Variants in AOC2 observed in about 807,000 individuals in gnomAD.
AOC2 encodes amine oxidase copper containing 2.
AOC2 carries 57 observed loss-of-function variants against 53.8 expected under a neutral mutation model. That is an observed-to-expected ratio of 1.06 (90% confidence interval 0.86 to 1.32). The LOEUF (loss-of-function observed/expected upper bound fraction) is 1.32, where lower values mean the gene tolerates loss of function less well. Ranked by LOEUF, AOC2 falls within the 40% of genes most tolerant of loss-of-function variation. The pLI, the probability that AOC2 is intolerant of heterozygous loss-of-function variation, is 0.00. For synonymous variants in AOC2, 404 were observed against 399.0 expected (o/e 1.01, Z -0.15); for missense variants, 1,008 against 957.2 (o/e 1.05, Z -0.70).
chr17:42,849,794 T>G, intron 3 of AOC2, 64 bp downstream of exon 3: 1 of 1,608,742 alleles, frequency 6.2e-7, no homozygotes, highest in Non-Finnish European at 8.5e-7. Context: ...CTGCCCAGCC[T>G]CTGGCCAAAG....
In AOC2 at chr17:42,844,644, C is replaced by T. The variant is rs765901269; in HGVS notation, c.18C>T (p.Val6=). ...CATCCACCATGCATCTCAAGATAGT[C>T]CTGGCGTTCCTGGCACTGTCCCTCA... The part of the protein sequence containing the change: MHLKI[V]LAFLALSLIT... Residue 6 remains valine (V), a synonymous_variant, in exon 1 of 4, where the codon GTC becomes GTT. Transcript: ENST00000253799. 3 of 1,612,480 alleles carry T rather than the reference C, an allele frequency of 1.9e-6. No individual in the cohort carries two copies. The South Asian group carries it at 3.3e-5, about 18-fold the overall frequency.
chr17:42,846,740 G>A, intron 1 of AOC2, among the ~76,000 whole-genome samples: 1 of 152,210 alleles, frequency 6.6e-6, no homozygotes, highest in Non-Finnish European at 1.5e-5. Flanking sequence ...CATCGGGAGG[G>A]CCATCCCATT....
Position 42,845,077 on chromosome 17 carries a change from G to A in AOC2, c.451G>A (p.Val151Met), listed in dbSNP as rs773728519. ...GCCTCACCCCTCGTACATGCGGGATGTGACTGTGGAGCGTCACGGCGGGCC... is the reference window on the plus strand; with the variant it reads ...GCCTCACCCCTCGTACATGCGGGATATGACTGTGGAGCGTCACGGCGGGCC... ...PLPHPSYMRD[V>M]TVERHGGPLP... Residue 151 changes from valine (V) to methionine (M), a missense_variant, in exon 1 of 4, where the codon GTG becomes ATG. Physicochemically the swap from Val to Met is conservative, Grantham distance 21 (BLOSUM62 1). Coordinates refer to ENST00000253799, the MANE Select transcript of AOC2 (RefSeq NM_009590.4). 13 of 1,614,016 alleles carry A rather than the reference G, an allele frequency of 8.1e-6. No individual in the cohort carries two copies. The highest frequency in any genetic ancestry group is 1.6e-4 in the Middle Eastern group (1 of 6,062).
In AOC2 at chr17:42,850,371, G is replaced by T. The variant is rs371391603; in HGVS notation, c.*23G>T. The T allele has an allele frequency of 1.1e-5, 17 of 1,565,978 alleles. No homozygotes were observed. The South Asian group carries it at 2.0e-4, about 18-fold the overall frequency. On this transcript the variant is annotated 3_prime_UTR_variant, in exon 4 of 4. Transcript: ENST00000253799. ...TAGTCCTGAGGGTGTGGCGGGCGGC[G>T]TGGTTAGGCACATGTACTTTTCCCT...
In AOC2 at chr17:42,845,827, C is replaced by G. The variant is rs75732241; in HGVS notation, c.1201C>G (p.Gln401Glu). Residue 401 changes from glutamine (Q) to glutamate (E), a missense_variant, in exon 1 of 4, where the codon CAA becomes GAA. Physicochemically the swap from Gln to Glu is conservative, Grantham distance 29. Transcript: ENST00000253799. ...GLVRGVDCPY[Q>E]ATMVDIHILV... ...GGTGCGGGGAGTGGACTGCCCCTAT[C>G]AAGCCACGATGGTGGACATCCATAT... The G allele has an allele frequency of 6.2e-7, 1 of 1,614,152 alleles. No homozygotes were observed.
At chr17:42,846,269 A>C in intron 1 of AOC2, 55 bp downstream of exon 1, 2 of 1,135,372 alleles carry the variant, frequency 1.8e-6, no homozygotes, top group Non-Finnish European at 2.4e-6. Flanking sequence ...GGTGGGGTGG[A>C]GGGAAGGGAA....
chr17:42,845,810 G>A lies in AOC2; in HGVS notation c.1184G>A (p.Gly395Glu). 2 of 1,614,194 alleles carry A rather than the reference G, an allele frequency of 1.2e-6. No individual in the cohort carries two copies. The highest frequency in any genetic ancestry group is 1.7e-6 in the Non-Finnish European group (2 of 1,180,040). Reference sequence around the variant, plus strand: ...CGTAACAGCCGAGGCTTGGTGCGGGGAGTGGACTGCCCCTATCAAGCCACG... The same window carrying A: ...CGTAACAGCCGAGGCTTGGTGCGGGAAGTGGACTGCCCCTATCAAGCCACG... ...LGRNSRGLVR[G>E]VDCPYQATMV... is the part of the protein sequence containing the mutation. The change falls in exon 1 of 4, where the codon GGA (glycine) becomes GAA (glutamate). Residue 395 changes from glycine to glutamate, a missense_variant. Transcript: ENST00000253799.
intron 1 of AOC2, 116 bp downstream of exon 1, chr17:42,846,330 C>G (rs2055599653): frequency 1.7e-6 from 2 of 1,172,868 alleles, no homozygotes; most frequent in African/African-American, 1.5e-5. Context: ...GCAGGGTGTT[C>G]CAACACCACA....
rs776192407 is a variant in AOC2, at chr17:42,844,742, C to T, written c.116C>T (p.Ser39Phe). Residue 39 changes from serine (S) to phenylalanine (F), a missense_variant, in exon 1 of 4, where the codon TCT becomes TTT. By Grantham distance (155) the Ser-to-Phe change is radical. Coordinates refer to ENST00000253799, the MANE Select transcript of AOC2 (RefSeq NM_009590.4). Reference sequence around the variant, plus strand: ...TCCAGCCAGCCTCCCCACTGCCCCTCTGTATCCCATAGGGCCCAGCCCTGG... The same window carrying T: ...TCCAGCCAGCCTCCCCACTGCCCCTTTGTATCCCATAGGGCCCAGCCCTGG... ...GGSSQPPHCP[S>F]VSHRAQPWPH... 6.2e-7 allele frequency: 1 copy of T among 1,614,262 alleles called. No homozygotes were observed. The highest frequency in any genetic ancestry group is 1.3e-5 in the African/African-American group (1 of 75,068).
rs149926743 is a variant in AOC2, at chr17:42,846,133, T to C, written c.1507T>C (p.Phe503Leu). The C allele has an allele frequency of 7.6e-6, 12 of 1,572,008 alleles. No individual in the cohort carries two copies. The highest frequency in any genetic ancestry group is 1.4e-5 in the African/African-American group (1 of 73,842). The change falls in exon 1 of 4, where the codon TTT becomes CTT. Residue 503 changes from phenylalanine (F) to leucine (L), a missense_variant. Phe to Leu is a conservative substitution (Grantham distance 22). Transcript: ENST00000253799. ...GAAAGGGGGAGAGGAGGGCCTCCTCTTTGGGAACCGTGTGGGGGAAAGAGT... is the reference window on the plus strand; with the variant it reads ...GAAAGGGGGAGAGGAGGGCCTCCTCCTTGGGAACCGTGTGGGGGAAAGAGT... ...FLKGGEEGLL[F>L]GNRVGERVLG...
intron 1 of AOC2, among the ~76,000 whole-genome samples, 185 bp from the exon 2 acceptor site, chr17:42,848,901 T>A (rs892970310): frequency 6.6e-6 from 1 of 152,054 alleles, no homozygotes; most frequent in African/African-American, 2.4e-5. Flanking sequence ...CCCTATCGGA[T>A]AGGGCAAGTT....
In AOC2 at chr17:42,844,900, ATCT is replaced by A; in HGVS notation, c.278_280del (p.Phe93del). ...CCAGGCTCAGCCCTCGGACAACTGC[ATCT>A]TCTCAGTGGAGCTGCAGCTGCCCCC... On this transcript the variant is annotated inframe_deletion, in exon 1 of 4. Transcript: ENST00000253799. 1 of 1,612,874 alleles carries A rather than the reference ATCT, an allele frequency of 6.2e-7. No homozygotes were observed. The highest frequency in any genetic ancestry group is 8.5e-7 in the Non-Finnish European group (1 of 1,179,352).
intron 3 of AOC2, 56 bp from the exon 4 acceptor site, chr17:42,850,026 G>A (rs1389886183): frequency 3.8e-6 from 6 of 1,578,800 alleles, no homozygotes; most frequent in East Asian, 2.2e-5. Context: ...TGTGACTGAA[G>A]GGTGGTTCTT....
chr17:42,849,420 GC>G, intron 2 of AOC2, 49 bp downstream of exon 2: 2 of 1,592,422 alleles, frequency 1.3e-6, no homozygotes. Flanking sequence ...CCCCTCCCCT[GC>G]CCCAGTCCTT....
intron 1 of AOC2, among the ~76,000 whole-genome samples, chr17:42,847,127 G>A (rs1330419719): frequency 2.6e-5 from 4 of 152,232 alleles, no homozygotes; most frequent in South Asian, 2.1e-4. Flanking sequence ...TGGTGTGGAG[G>A]GTAGGAAGGA....
chr17:42,850,062 G>A lies in AOC2; in HGVS notation c.2005-20G>A. 6.2e-7 allele frequency: 1 copy of A among 1,609,934 alleles called. No individual in the cohort carries two copies. The highest frequency in any genetic ancestry group is 1.1e-5 in the South Asian group (1 of 90,846). On this transcript the variant is annotated intron_variant, in intron 3 of 3. Transcript: ENST00000253799. ...TGGGTCACGCTTCCATAGTCCTCCA[G>A]CTCCTCCTTCTTCTTGCAGGATCTG...
At chr17:42,849,469 T>A in intron 2 of AOC2, 98 bp downstream of exon 2, 1 of 1,579,904 alleles carries the variant, frequency 6.3e-7, no homozygotes, top group Non-Finnish European at 8.6e-7. Flanking sequence ...CATTCATCCC[T>A]GTACCTCCCC....
At chr17:42,849,404 G>A (rs1473189531) in intron 2 of AOC2, 33 bp downstream of exon 2, 1 of 1,600,930 alleles carries the variant, frequency 6.2e-7, no homozygotes, top group South Asian at 1.1e-5. Context: ...TGGAAGGAAA[G>A]GACAGCCCCT....
intron 1 of AOC2, 43 bp downstream of exon 1, chr17:42,846,257 C>G: frequency 1.4e-6 from 2 of 1,428,214 alleles, no homozygotes; most frequent in Non-Finnish European, 1.9e-6. Context: ...GGGGCGGGGT[C>G]AGGTGGGGTG....
Sources: gnomAD v4.1 joint callset for allele counts (sites outside exome capture counted in the v4.1 genomes callset) on GRCh38, gnomAD v4.1.1 for gene constraint, MANE v1.5 for transcripts, NCBI Gene and HGNC (gene_info 2026-07-23, HGNC 2026-07-21) for gene names.